Variants in EGLN3 observed in about 807,000 individuals in gnomAD.
The protein encoded by EGLN3 is egl-9 family hypoxia inducible factor 3.
In EGLN3, 15 loss-of-function variants were observed where a neutral mutation model predicts 26.0. The ratio of observed to expected loss-of-function variants is 0.58; its 90% confidence interval spans 0.39 to 0.89. EGLN3 has a LOEUF of 0.89. Among genes scored for constraint, EGLN3 ranks in the 40% least tolerant of loss-of-function variants. The pLI is 0.00. For synonymous variants in EGLN3, 147 were observed against 127.2 expected (o/e 1.16, Z -1.05); for missense variants, 238 against 311.6 (o/e 0.76, Z 1.78).
chr14:33,945,399 G>T (rs77066467), intron 1 of EGLN3, among the ~76,000 whole-genome samples: 2,501 of 152,306 alleles, frequency 0.016, 37 homozygotes, highest in Middle Eastern at 0.031. Flanking sequence ...GCCTCCCACT[G>T]TGCCAGACTA....
At chr14:33,936,609 C>T (rs1045651760) in intron 1 of EGLN3, among the ~76,000 whole-genome samples, 5 of 151,990 alleles carry the variant, frequency 3.3e-5, no homozygotes, top group Non-Finnish European at 5.9e-5. Flanking sequence ...GGTAATTCAT[C>T]TGAGGGAGGG....
chr14:33,933,482 AT>A (rs1283042913), intron 1 of EGLN3, among the ~76,000 whole-genome samples: 1 of 152,100 alleles, frequency 6.6e-6, no homozygotes, highest in Admixed American at 6.5e-5. Flanking sequence ...CAAAGAGATA[AT>A]TTTTCTGGCC....
chr14:33,929,878 A>T (rs2064389752), intron 2 of EGLN3, among the ~76,000 whole-genome samples: 1 of 152,172 alleles, frequency 6.6e-6, no homozygotes, highest in South Asian at 2.1e-4. Context: ...TTTCTAAGAA[A>T]ATCATCACAT....
At chr14:33,942,600 A>G (rs1459454020) in intron 1 of EGLN3, among the ~76,000 whole-genome samples, 2 of 152,236 alleles carry the variant, frequency 1.3e-5, no homozygotes, top group African/African-American at 4.8e-5. Flanking sequence ...CAACTTCAAA[A>G]AGATGGAACT....
chr14:33,950,123 CA>C (rs2064546520), intron 1 of EGLN3: 1 of 594,372 alleles, frequency 1.7e-6, no homozygotes, highest in Admixed American at 3.0e-5. Context: ...ACCACAGCCA[CA>C]GCTTGTCTGG....
intron 1 of EGLN3, among the ~76,000 whole-genome samples, chr14:33,939,853 C>T (rs1054595758): frequency 2.0e-5 from 3 of 152,114 alleles, no homozygotes; most frequent in Non-Finnish European, 2.9e-5. Flanking sequence ...GGTCTTAAGA[C>T]GTGCTTTACC....
At chr14:33,930,649 C>T (rs1418670996) in intron 2 of EGLN3, among the ~76,000 whole-genome samples, 1 of 152,112 alleles carries the variant, frequency 6.6e-6, no homozygotes, top group East Asian at 1.9e-4. Flanking sequence ...GACATACCAC[C>T]CCGAGGGAGA....
intron 1 of EGLN3, among the ~76,000 whole-genome samples, chr14:33,939,528 G>A (rs1269381569): frequency 1.3e-5 from 2 of 152,064 alleles, no homozygotes; most frequent in Non-Finnish European, 2.9e-5. Flanking sequence ...CTTAAAACAG[G>A]AGAAACCTAC....
Position 33,950,813 on chromosome 14 carries a change from A to C in EGLN3, c.-61T>G. 10 of 1,449,106 alleles carry C rather than the reference A, an allele frequency of 6.9e-6. No homozygotes were observed. The highest frequency in any genetic ancestry group is 2.8e-5 in the African/African-American group (2 of 71,076). 89.8% of individuals were successfully genotyped at this position (1,449,106 alleles called of 1,614,324 possible). ...TGCAACCAGAGAGGGAACGATCTAC[A>C]CGAGCGCGAAGCCGAGGCGCGGGGA... On this transcript the variant is annotated 5_prime_UTR_variant, in exon 1 of 5. Transcript: ENST00000250457.
chr14:33,928,068 T>C (rs1594374367), intron 3 of EGLN3, among the ~76,000 whole-genome samples: 1 of 152,164 alleles, frequency 6.6e-6, no homozygotes, highest in African/African-American at 2.4e-5. Flanking sequence ...ATGTTTTCCC[T>C]GTAAGGCCAG....
Position 33,936,996 on chromosome 14 carries a change from A to G in EGLN3, c.358-5781T>C, listed in dbSNP as rs115168341. 6.7e-3 allele frequency among the ~76,000 whole-genome samples: 1,023 copies of G among 152,334 alleles called. 5 individuals are homozygous for G. Among genetic ancestry groups the G allele is most frequent in the African/African-American group, 0.022 (911 of 41,572 alleles). On this transcript the variant is annotated intron_variant, in intron 1 of 4. Coordinates refer to ENST00000250457, the MANE Select transcript of EGLN3 (RefSeq NM_022073.4). ...CAACCTTCTATCATCTCCCTTGTTC[A>G]GGGATATGTGATCTTCAAGGACATT...
intron 4 of EGLN3, 83 bp from the exon 5 acceptor site, chr14:33,926,005 C>T (rs1015501046): frequency 1.5e-6 from 2 of 1,349,250 alleles, no homozygotes; most frequent in Admixed American, 3.5e-5. Flanking sequence ...ACCAAAAAGC[C>T]TCCAGTAAAC....
intron 4 of EGLN3, among the ~76,000 whole-genome samples, chr14:33,926,697 T>A (rs990761987): frequency 1.3e-5 from 2 of 152,194 alleles, no homozygotes; most frequent in African/African-American, 4.8e-5. Context: ...CTGGTTAACA[T>A]TAATAGGAAA....
At chr14:33,942,447 C>A (rs543623438) in intron 1 of EGLN3, among the ~76,000 whole-genome samples, 1 of 152,166 alleles carries the variant, frequency 6.6e-6, no homozygotes, top group African/African-American at 2.4e-5. Flanking sequence ...GTTGGCCTGG[C>A]CTGGTGGCTC....
chr14:33,942,515 A>C (rs1239897024), intron 1 of EGLN3, among the ~76,000 whole-genome samples: 1 of 152,170 alleles, frequency 6.6e-6, no homozygotes, highest in African/African-American at 2.4e-5. Context: ...CCCCATCTCT[A>C]TAAAAATAAA....
intron 2 of EGLN3, 65 bp from the exon 3 acceptor site, chr14:33,929,277 C>A: frequency 6.3e-7 from 1 of 1,581,214 alleles, no homozygotes; most frequent in Non-Finnish European, 8.6e-7. Context: ...AACCATATTT[C>A]AGCTCCATTT....
intron 1 of EGLN3, among the ~76,000 whole-genome samples, chr14:33,947,066 G>A (rs1266732714): frequency 6.6e-6 from 1 of 152,218 alleles, no homozygotes; most frequent in Non-Finnish European, 1.5e-5. Context: ...CTTCTTATTA[G>A]AGTCACTAAC....
intron 1 of EGLN3, among the ~76,000 whole-genome samples, chr14:33,942,316 T>C (rs1044555823): frequency 5.3e-5 from 8 of 150,728 alleles, no homozygotes; most frequent in African/African-American, 1.7e-4. Context: ...AAAAGACAAC[T>C]TGAGGTTCTA....
chr14:33,932,115 T>C (rs1266201828), intron 1 of EGLN3, among the ~76,000 whole-genome samples: 1 of 152,182 alleles, frequency 6.6e-6, no homozygotes, highest in African/African-American at 2.4e-5. Flanking sequence ...ATATTTTTTA[T>C]AGGGATGCAG....
Sources: allele counts gnomAD v4.1 joint callset (sites outside exome capture counted in the v4.1 genomes callset), GRCh38; gene constraint gnomAD v4.1.1; transcripts MANE v1.5; gene names NCBI Gene and HGNC (gene_info 2026-07-23, HGNC 2026-07-21).